The following MARCHF11 variants were observed in gnomAD, a reference collection of about 807,000 sequenced individuals.
MARCHF11 encodes the protein E3 ubiquitin-protein ligase MARCHF11.
Under a neutral mutation model 37.3 loss-of-function variants are expected in MARCHF11, and 29 were observed. That is an observed-to-expected ratio of 0.78 (90% CI 0.58 to 1.06). MARCHF11 has a LOEUF of 1.06. Ranked by LOEUF, MARCHF11 falls within the 50% of genes least tolerant of loss-of-function variation. MARCHF11 has a pLI of 0.00. For synonymous variants in MARCHF11, 233 were observed against 228.0 expected, an observed-to-expected ratio of 1.02 and a Z score of -0.20; for missense variants, 482 against 533.4, an observed-to-expected ratio of 0.90 and a Z score of 0.95.
At chr5:16,120,446 G>T (rs899511191) in intron 2 of MARCHF11, among the ~76,000 whole-genome samples, 1 of 152,210 alleles carries the variant, frequency 6.6e-6, no homozygotes, top group African/African-American at 2.4e-5. Context: ...CTTCTCCACA[G>T]AGCAGCCAGA....
intron 2 of MARCHF11, among the ~76,000 whole-genome samples, chr5:16,155,748 A>G (rs1327645764): frequency 1.3e-5 from 2 of 151,918 alleles, no homozygotes; most frequent in African/African-American, 2.4e-5. Context: ...ATTCCTACTA[A>G]GCACTTTGCA....
chr5:16,147,430 A>G (rs1737818130), intron 2 of MARCHF11, among the ~76,000 whole-genome samples: 1 of 152,178 alleles, frequency 6.6e-6, no homozygotes, highest in Non-Finnish European at 1.5e-5. Flanking sequence ...ATACTGGCCC[A>G]AGGTTACCAA....
At chr5:16,153,319 T>G (rs1188518211) in intron 2 of MARCHF11, among the ~76,000 whole-genome samples, 2 of 151,978 alleles carry the variant, frequency 1.3e-5, no homozygotes, top group East Asian at 3.9e-4. Flanking sequence ...CGGTTTGTGC[T>G]GTGAAAACAA....
chr5:16,085,591 C>CGGGGGGGGGT (rs5866169), intron 3 of MARCHF11, among the ~76,000 whole-genome samples: 2 of 82,184 alleles, frequency 2.4e-5, no homozygotes, highest in African/African-American at 5.5e-5. Context: ...TGGGTGGGGT[C>CGGGGGGGGGT]GGGGGGGGGA....
chr5:16,162,620 C>T (rs1416985580), intron 2 of MARCHF11, among the ~76,000 whole-genome samples: 1 of 151,852 alleles, frequency 6.6e-6, no homozygotes, highest in Non-Finnish European at 1.5e-5. Flanking sequence ...CTTGGAATTT[C>T]TACTTATATA....
intron 2 of MARCHF11, among the ~76,000 whole-genome samples, chr5:16,127,435 C>T (rs188772172): frequency 3.9e-5 from 6 of 152,252 alleles, no homozygotes; most frequent in South Asian, 2.1e-4. Flanking sequence ...TTGACTCATA[C>T]GGAGCTTGAA....
intron 2 of MARCHF11, among the ~76,000 whole-genome samples, chr5:16,155,307 C>G (rs1413161031): frequency 6.6e-6 from 1 of 151,618 alleles, no homozygotes; most frequent in East Asian, 1.9e-4. Context: ...AGGTCACAGA[C>G]TGTTTTGTTT....
chr5:16,153,813 T>A (rs965375598), intron 2 of MARCHF11, among the ~76,000 whole-genome samples: 17 of 152,002 alleles, frequency 1.1e-4, no homozygotes, highest in African/African-American at 4.1e-4. Flanking sequence ...ATGACTAGGT[T>A]GTGGTCCATG....
chr5:16,174,232 T>C, intron 2 of MARCHF11, among the ~76,000 whole-genome samples: 1 of 152,228 alleles, frequency 6.6e-6, no homozygotes, highest in South Asian at 2.1e-4. Context: ...TACTCTCAAA[T>C]TGTCCTTAAT....
intron 2 of MARCHF11, among the ~76,000 whole-genome samples, chr5:16,170,445 A>G (rs2126609719): frequency 6.6e-6 from 1 of 152,292 alleles, no homozygotes; most frequent in East Asian, 1.9e-4. Flanking sequence ...TATGGTCTGA[A>G]GAACTGAACA....
chr5:16,117,189 G>A (rs1456330244), intron 2 of MARCHF11, among the ~76,000 whole-genome samples: 1 of 152,166 alleles, frequency 6.6e-6, no homozygotes, highest in Non-Finnish European at 1.5e-5. Flanking sequence ...CACACACAGA[G>A]GAGGGGGTCT....
intron 3 of MARCHF11, among the ~76,000 whole-genome samples, chr5:16,081,248 T>C (rs549717129): frequency 1.3e-5 from 2 of 152,314 alleles, no homozygotes; most frequent in Middle Eastern, 3.4e-3. Context: ...TAGGGAATTG[T>C]TATATTCCAG....
At chr5:16,144,336 A>G (rs138866082) in intron 2 of MARCHF11, among the ~76,000 whole-genome samples, 5 of 152,290 alleles carry the variant, frequency 3.3e-5, no homozygotes, top group South Asian at 2.1e-4. Flanking sequence ...GGATTTTAAC[A>G]AATTGTTCCT....
At chr5:16,167,941 T>C (rs1738198068) in intron 2 of MARCHF11, among the ~76,000 whole-genome samples, 1 of 152,090 alleles carries the variant, frequency 6.6e-6, no homozygotes. Context: ...AGTAACATAC[T>C]AGAAAACAAC....
At chr5:16,083,277 G>A (rs533312304) in intron 3 of MARCHF11, among the ~76,000 whole-genome samples, 363 of 152,222 alleles carry the variant, frequency 2.4e-3, no homozygotes, top group African/African-American at 8.1e-3. Flanking sequence ...TCTCCACAGG[G>A]AGACCAGGAA....
intron 2 of MARCHF11, among the ~76,000 whole-genome samples, chr5:16,171,741 T>C (rs1314234100): frequency 6.6e-6 from 1 of 152,088 alleles, no homozygotes; most frequent in Non-Finnish European, 1.5e-5. Flanking sequence ...ATTTAAATAG[T>C]AATACAAATG....
intron 2 of MARCHF11, among the ~76,000 whole-genome samples, chr5:16,163,261 T>C (rs765641396): frequency 8.6e-5 from 13 of 151,986 alleles, no homozygotes; most frequent in South Asian, 2.1e-4. Context: ...TCTCAGGTGG[T>C]GGCGGAAGGA....
intron 2 of MARCHF11, among the ~76,000 whole-genome samples, chr5:16,117,367 C>T (rs992887221): frequency 1.3e-5 from 2 of 152,202 alleles, no homozygotes; most frequent in African/African-American, 4.8e-5. Context: ...CCTTTTACAG[C>T]CATCTGATAA....
At chr5:16,147,636 A>G (rs1424649541) in intron 2 of MARCHF11, among the ~76,000 whole-genome samples, 1 of 152,164 alleles carries the variant, frequency 6.6e-6, no homozygotes, top group Non-Finnish European at 1.5e-5. Context: ...GTGCGATAGA[A>G]ATATCAAATT....
Sources: gnomAD v4.1 joint callset for allele counts (sites outside exome capture counted in the v4.1 genomes callset) on GRCh38, gnomAD v4.1.1 for gene constraint, MANE v1.5 for transcripts, NCBI Gene and HGNC (gene_info 2026-07-23, HGNC 2026-07-21) for gene names.